The following PCSK6 variants were observed in gnomAD, a reference collection of about 807,000 sequenced individuals.
The protein encoded by PCSK6 is proprotein convertase subtilisin/kexin type 6.
In PCSK6, 85 loss-of-function variants were observed where a neutral mutation model predicts 123.3. The ratio of observed to expected loss-of-function variants is 0.69; its 90% CI spans 0.58 to 0.83. The LOEUF (loss-of-function observed/expected upper bound fraction) is 0.83, where lower values mean the gene tolerates loss of function less well. Ranked by LOEUF, PCSK6 falls within the 40% of genes least tolerant of loss-of-function variation. PCSK6 has a pLI of 0.00. For missense variants in PCSK6, 1,191 were observed against 1,282.3 expected (o/e 0.93, Z 1.09); for synonymous variants, 508 against 516.0 (o/e 0.98, Z 0.21).
At chr15:101,393,980 T>C (rs1229920446) in intron 7 of PCSK6, among the ~76,000 whole-genome samples, 1 of 152,136 alleles carries the variant, frequency 6.6e-6, no homozygotes, top group Non-Finnish European at 1.5e-5. Flanking sequence ...ACAGAATAGG[T>C]GGAAAGGGTT....
At chr15:101,414,596 T>A (rs1470880844) in intron 6 of PCSK6, among the ~76,000 whole-genome samples, 5 of 152,094 alleles carry the variant, frequency 3.3e-5, no homozygotes, top group Admixed American at 3.3e-4. Context: ...CTAAACACTG[T>A]AGAGAAACAT....
At chr15:101,467,706 C>T (rs533389222) in intron 1 of PCSK6, among the ~76,000 whole-genome samples, 5 of 152,312 alleles carry the variant, frequency 3.3e-5, no homozygotes, top group African/African-American at 1.2e-4. Context: ...GGGGCCATAG[C>T]CACACTGTGG....
intron 15 of PCSK6, among the ~76,000 whole-genome samples, chr15:101,331,306 G>A (rs948894878): frequency 6.6e-6 from 1 of 152,236 alleles, no homozygotes; most frequent in Non-Finnish European, 1.5e-5. Context: ...ATCAGTATCT[G>A]CTGACATCAT....
In PCSK6 at chr15:101,331,657, G is replaced by T; in HGVS notation, c.2071C>A (p.Gln691Lys). The change falls in exon 15 of 22, where the codon CAG becomes AAG. Residue 691 changes from glutamine to lysine, a missense_variant. Gln to Lys is a moderately conservative substitution (Grantham distance 53). Transcript: ENST00000611716. ...QSTPGSANILQTSVCHPECGD... is the reference protein window; with the variant it reads ...QSTPGSANILKTSVCHPECGD... Reference sequence around the variant, plus strand: ...TGGTTTGAAGCATACTTACTGGTCTGTAAAATATTAGCAGAGCCTGGGGTG... The same window carrying T: ...TGGTTTGAAGCATACTTACTGGTCTTTAAAATATTAGCAGAGCCTGGGGTG... The T allele has an allele frequency of 6.2e-7, 1 of 1,613,570 alleles. No individual in the cohort carries two copies.
At chr15:101,434,742 G>C (rs947485156) in intron 2 of PCSK6, among the ~76,000 whole-genome samples, 8 of 152,190 alleles carry the variant, frequency 5.3e-5, no homozygotes, top group Non-Finnish European at 1.2e-4. Flanking sequence ...CCAGGCGTGG[G>C]GGCTTCTCCG....
At chr15:101,439,349 C>A (rs1417116051) in intron 2 of PCSK6, among the ~76,000 whole-genome samples, 1 of 152,238 alleles carries the variant, frequency 6.6e-6, no homozygotes, top group African/African-American at 2.4e-5. Flanking sequence ...GAATAAAATG[C>A]TGTCTTTTAA....
intron 11 of PCSK6, among the ~76,000 whole-genome samples, chr15:101,372,424 AAGTAT>A (rs2041613610): frequency 1.3e-5 from 2 of 152,236 alleles, no homozygotes; most frequent in Non-Finnish European, 2.9e-5. Context: ...GAGACTCTGT[AAGTAT>A]TTGAAAACAC....
At chr15:101,357,489 C>T (rs2041076458) in intron 13 of PCSK6, among the ~76,000 whole-genome samples, 1 of 152,218 alleles carries the variant, frequency 6.6e-6, no homozygotes, top group African/African-American at 2.4e-5. Flanking sequence ...TGTCACCTTC[C>T]CAGGCTGAGG....
At chr15:101,350,109 C>T (rs1376770966) in intron 13 of PCSK6, among the ~76,000 whole-genome samples, 1 of 151,968 alleles carries the variant, frequency 6.6e-6, no homozygotes, top group Non-Finnish European at 1.5e-5. Context: ...GGTTTCACCA[C>T]GTTGGCCAGA....
intron 5 of PCSK6, among the ~76,000 whole-genome samples, chr15:101,429,060 A>G (rs989363086): frequency 6.6e-6 from 1 of 152,182 alleles, no homozygotes; most frequent in Non-Finnish European, 1.5e-5. Context: ...TTGCCTGCGC[A>G]CCCGTTTGTG....
intron 1 of PCSK6, among the ~76,000 whole-genome samples, chr15:101,469,926 GTT>G (rs1192011522): frequency 6.6e-6 from 1 of 152,214 alleles, no homozygotes; most frequent in Non-Finnish European, 1.5e-5. Flanking sequence ...AGGACGTGCT[GTT>G]TCTCTCTCAT....
chr15:101,307,391 C>T (rs116918933), intron 20 of PCSK6, 66 bp from the exon 21 acceptor site: 64,567 of 1,188,664 alleles, frequency 0.054, 2,185 homozygotes, highest in Non-Finnish European at 0.065. Flanking sequence ...GCTCCCTTCC[C>T]AGAACCCTCA....
intron 13 of PCSK6, among the ~76,000 whole-genome samples, chr15:101,344,102 T>G (rs11247280): frequency 0.24 from 35,822 of 151,712 alleles, 5,011 homozygotes; most frequent in African/African-American, 0.39. Flanking sequence ...AAATAAAAAA[T>G]TTGGTGTATT....
intron 1 of PCSK6, among the ~76,000 whole-genome samples, chr15:101,470,562 T>C (rs1018686340): frequency 3.3e-5 from 5 of 152,238 alleles, no homozygotes; most frequent in African/African-American, 1.2e-4. Flanking sequence ...TATTATGTGT[T>C]ATGTGTTCCA....
intron 13 of PCSK6, 90 bp from the exon 14 acceptor site, chr15:101,332,121 C>G (rs896304805): frequency 1.1e-5 from 13 of 1,230,964 alleles, no homozygotes; most frequent in African/African-American, 4.6e-5. Flanking sequence ...GGCTCCTCCC[C>G]TGATAGCTGG....
At chr15:101,440,218 CA>C (rs1480465285) in intron 2 of PCSK6, among the ~76,000 whole-genome samples, 1 of 152,242 alleles carries the variant, frequency 6.6e-6, no homozygotes, top group Non-Finnish European at 1.5e-5. Flanking sequence ...ACACTGCGAA[CA>C]CTTGGGCTGT....
intron 13 of PCSK6, among the ~76,000 whole-genome samples, chr15:101,364,694 T>C (rs1050183799): frequency 1.3e-5 from 2 of 152,246 alleles, no homozygotes; most frequent in East Asian, 1.9e-4. Context: ...CCCAAGTTTA[T>C]GGACTGGAAG....
At chr15:101,356,629 G>A (rs544081620) in intron 13 of PCSK6, among the ~76,000 whole-genome samples, 1 of 151,588 alleles carries the variant, frequency 6.6e-6, no homozygotes, top group African/African-American at 2.4e-5. Flanking sequence ...GCAGTGAGCC[G>A]AGATTGCGCC....
intron 13 of PCSK6, among the ~76,000 whole-genome samples, chr15:101,351,191 T>G (rs1264377514): frequency 6.6e-6 from 1 of 152,206 alleles, no homozygotes; most frequent in Admixed American, 6.5e-5. Flanking sequence ...GATATTCCCA[T>G]ATGGAAATCG....
Sources: gnomAD v4.1 joint callset for allele counts (sites outside exome capture counted in the v4.1 genomes callset) on GRCh38, gnomAD v4.1.1 for gene constraint, MANE v1.5 for transcripts, NCBI Gene and HGNC (gene_info 2026-07-23, HGNC 2026-07-21) for gene names.